The following SLCO2A1 variants were observed in gnomAD, a reference collection of about 807,000 sequenced individuals.
The protein encoded by SLCO2A1 is matrin F/G 1.
Under a neutral mutation model 71.7 loss-of-function variants are expected in SLCO2A1, and 60 were observed. That is an observed-to-expected ratio of 0.84 (90% CI 0.68 to 1.04). SLCO2A1 has a LOEUF of 1.04. Ranked by LOEUF, SLCO2A1 falls within the 50% of genes least tolerant of loss-of-function variation. The probability of loss-of-function intolerance (pLI) is 0.00; values close to 1 mark genes in which losing one functional copy is unlikely to be tolerated. For synonymous variants in SLCO2A1, 308 were observed against 326.7 expected (o/e 0.94, Z 0.62); for missense variants, 745 against 813.4 (o/e 0.92, Z 1.02).
At chr3:133,938,003 G>A (rs1361496084) in intron 12 of SLCO2A1, among the ~76,000 whole-genome samples, 1 of 152,240 alleles carries the variant, frequency 6.6e-6, no homozygotes, top group African/African-American at 2.4e-5. Context: ...ACCCCACAGG[G>A]AAGAAACTTT....
rs374894556 is a variant in SLCO2A1, at chr3:133,953,509, C to T, written c.724+154G>A. Among the ~76,000 whole-genome samples, 15 of 152,356 alleles carry T rather than the reference C, an allele frequency of 9.8e-5. No individual in the cohort carries two copies. In the East Asian group the frequency reaches 1.9e-3, roughly 20 times the overall value. On this transcript the variant is annotated intron_variant, in intron 5 of 13. Transcript: ENST00000310926. The stretch of plus-strand genomic sequence containing the variant: ...GGAGGCACACACTGTCTGCTCCTGG[C>T]TCTCCGAGGGACTGCAGGGATGAGT...
intron 12 of SLCO2A1, among the ~76,000 whole-genome samples, chr3:133,937,440 C>T (rs1933295307): frequency 6.6e-6 from 1 of 152,178 alleles, no homozygotes; most frequent in Non-Finnish European, 1.5e-5. Flanking sequence ...AAACACTTCT[C>T]CCAGCCTGGG....
intron 7 of SLCO2A1, 83 bp downstream of exon 7, chr3:133,948,810 A>G: frequency 3.1e-6 from 5 of 1,588,834 alleles, no homozygotes; most frequent in South Asian, 2.2e-5. Context: ...ACCGCACACA[A>G]CACCACAGGG....
In SLCO2A1 at chr3:133,938,450, A is replaced by G; in HGVS notation, c.1669T>C (p.Phe557Leu). ...EEKSFAIGVQFLLMRLLAWLP... is the reference protein window; with the variant it reads ...EEKSFAIGVQLLLMRLLAWLP... Reference sequence around the variant, plus strand: ...TTACCCAGCAAGCGCATCAACAAGAACTGCACCCCGATGGCAAATGACTTT... The same window carrying G: ...TTACCCAGCAAGCGCATCAACAAGAGCTGCACCCCGATGGCAAATGACTTT... The change falls in exon 12 of 14, where the codon TTC (phenylalanine) becomes CTC (leucine). Residue 557 changes from phenylalanine to leucine, a missense_variant. Coordinates refer to ENST00000310926, the MANE Select transcript of SLCO2A1 (RefSeq NM_005630.3). 6.2e-7 allele frequency: 1 copy of G among 1,614,112 alleles called. No individual in the cohort carries two copies. Among genetic ancestry groups the G allele is most frequent in the Non-Finnish European group, 8.5e-7 (1 of 1,180,018 alleles).
chr3:133,975,075 C>A (rs578231672), intron 2 of SLCO2A1, among the ~76,000 whole-genome samples: 1 of 152,196 alleles, frequency 6.6e-6, no homozygotes, highest in Admixed American at 6.5e-5. Context: ...TGCTCCTTCT[C>A]GGTCTTCTTG....
chr3:134,027,974 A>T (rs1458212248), intron 1 of SLCO2A1, among the ~76,000 whole-genome samples: 1 of 152,256 alleles, frequency 6.6e-6, no homozygotes, highest in Non-Finnish European at 1.5e-5. Flanking sequence ...ACTCTTAGCC[A>T]GTATGAGTAC....
chr3:134,006,224 A>T (rs921473340), intron 1 of SLCO2A1, among the ~76,000 whole-genome samples: 7 of 151,864 alleles, frequency 4.6e-5, no homozygotes, highest in Non-Finnish European at 1.0e-4. Flanking sequence ...CTATTTTTTT[A>T]AATTTTTTGT....
rs77406993 is a variant in SLCO2A1 at position 133,988,755 on chromosome 3, A to C, written c.97-9137T>G. ...AGTCCCTCCCAACCTCTGAAAGTCA[A>C]TTTGGCCTCAGGGGACATTCTGCTC... On this transcript the variant is annotated intron_variant, in intron 1 of 13. Transcript: ENST00000310926. Among the ~76,000 whole-genome samples the C allele has an allele frequency of 3.8e-3, 578 of 152,268 alleles. 6 individuals are homozygous for C. Among genetic ancestry groups the C allele is most frequent in the African/African-American group, 0.013 (560 of 41,552 alleles).
At position 133,948,678 on chromosome 3, in the gene SLCO2A1, C is replaced by A. The variant is rs773913925; in HGVS notation, c.963G>T (p.Arg321Ser). 90 of 1,613,850 alleles carry A rather than the reference C, an allele frequency of 5.6e-5. No homozygotes were observed. The highest frequency in any genetic ancestry group is 7.5e-5 in the Non-Finnish European group (89 of 1,179,918). Residue 321 changes from arginine to serine, a missense_variant, in exon 8 of 14, where the codon AGG (arginine) becomes AGT (serine). Physicochemically the swap from Arg to Ser is moderately radical, Grantham distance 110. Coordinates refer to ENST00000310926, the MANE Select transcript of SLCO2A1 (RefSeq NM_005630.3). ...GGACGAAGAGTGAGTTCATCAGGAG[C>A]CTCAGAAAGATGCATGGAAACCCTG... ...FIKRFPCIFL[R>S]LLMNSLFVLV...
intron 1 of SLCO2A1, among the ~76,000 whole-genome samples, chr3:134,006,057 A>T (rs1232169964): frequency 6.6e-6 from 1 of 151,876 alleles, no homozygotes; most frequent in Non-Finnish European, 1.5e-5. Context: ...TTGCCATCTT[A>T]CCCTTTTTTA....
chr3:133,954,893 G>A (rs1013279296), intron 4 of SLCO2A1, 73 bp downstream of exon 4: 42 of 1,234,030 alleles, frequency 3.4e-5, no homozygotes, highest in Non-Finnish European at 4.8e-5. Context: ...TCAGTTTAGT[G>A]CCCCAGGGCC....
intron 1 of SLCO2A1, 79 bp from the exon 2 acceptor site, chr3:133,979,697 G>A (rs1048160969): frequency 5.8e-5 from 86 of 1,494,034 alleles, no homozygotes; most frequent in African/African-American, 1.3e-4. Flanking sequence ...TAGGGGCCCC[G>A]GCAGGCTGAC....
chr3:133,942,840 C>T (rs35473313), intron 10 of SLCO2A1, 72 bp from the exon 11 acceptor site: 211,600 of 1,445,864 alleles, frequency 0.15, 17,166 homozygotes, highest in Non-Finnish European at 0.16. Context: ...CAGACGTCTG[C>T]ACCAGCTCTT....
intron 12 of SLCO2A1, 114 bp downstream of exon 12, chr3:133,938,315 C>A: frequency 1.1e-6 from 1 of 934,778 alleles, no homozygotes. Flanking sequence ...TGCACAGCTT[C>A]TCTTCGCCAT....
At chr3:134,029,684 A>G in intron 1 of SLCO2A1, 23 bp downstream of exon 1, 1 of 1,555,650 alleles carries the variant, frequency 6.4e-7, no homozygotes, top group East Asian at 2.4e-5. Context: ...TCCGGCCCGG[A>G]AGACCCCGCG....
intron 1 of SLCO2A1, among the ~76,000 whole-genome samples, chr3:133,993,458 T>G (rs1013871227): frequency 6.6e-6 from 1 of 152,184 alleles, no homozygotes; most frequent in Non-Finnish European, 1.5e-5. Context: ...GCCAAGGGTC[T>G]GGGCTTTAGA....
chr3:134,009,234 C>T (rs1188743121), intron 1 of SLCO2A1, among the ~76,000 whole-genome samples: 1 of 152,210 alleles, frequency 6.6e-6, no homozygotes, highest in Non-Finnish European at 1.5e-5. Flanking sequence ...ATAGGTTTCA[C>T]ACACAGTATA....
intron 4 of SLCO2A1, among the ~76,000 whole-genome samples, chr3:133,954,669 T>G (rs1452577089): frequency 6.6e-6 from 1 of 152,164 alleles, no homozygotes; most frequent in Non-Finnish European, 1.5e-5. Context: ...ACCAGCTAAG[T>G]GGTTACATAT....
At chr3:134,020,397 C>T (rs541370941) in intron 1 of SLCO2A1, among the ~76,000 whole-genome samples, 15 of 152,278 alleles carry the variant, frequency 9.9e-5, no homozygotes, top group African/African-American at 1.4e-4. Context: ...GCTCCTTAGG[C>T]GGCTTAAGCC....
Sources: allele counts gnomAD v4.1 joint callset (sites outside exome capture counted in the v4.1 genomes callset), GRCh38; gene constraint gnomAD v4.1.1; transcripts MANE v1.5; gene names NCBI Gene and HGNC (gene_info 2026-07-23, HGNC 2026-07-21).